HERC1: variants seen among roughly 807,000 people sequenced by gnomAD.
HERC1 encodes the protein HECT and RLD domain containing E3 ubiquitin protein ligase family member 1, also known as probable E3 ubiquitin-protein ligase HERC1.
HERC1 carries 160 observed loss-of-function variants against 554.3 expected under a neutral mutation model. The ratio of observed to expected loss-of-function variants is 0.29; its 90% CI spans 0.25 to 0.33. HERC1 has a LOEUF of 0.33. Among genes scored for constraint, HERC1 ranks in the 10% least tolerant of loss-of-function variants. HERC1 has a pLI of 1.00. For synonymous variants in HERC1, 2,175 were observed against 2,131.7 expected, an observed-to-expected ratio of 1.02 and a Z score of -0.56; for missense variants, 4,919 against 5,918.5, an observed-to-expected ratio of 0.83 and a Z score of 5.54.
intron 36 of HERC1, among the ~76,000 whole-genome samples, chr15:63,679,088 AAT>A (rs2071346713): frequency 6.6e-6 from 1 of 152,238 alleles, no homozygotes; most frequent in South Asian, 2.1e-4. Context: ...TTCTAGATAG[AAT>A]AAATTAATTG....
At position 63,734,262 on chromosome 15, in the gene HERC1, A is replaced by G. The variant is rs916031162; in HGVS notation, c.2646+462T>C. 6.6e-6 allele frequency among the ~76,000 whole-genome samples: 1 copy of G among 152,220 alleles called. No homozygotes were observed. The highest frequency in any genetic ancestry group is 2.4e-5 in the African/African-American group (1 of 41,456). On this transcript the variant is annotated intron_variant, in intron 13 of 77. Coordinates refer to ENST00000443617, the MANE Select transcript of HERC1 (RefSeq NM_003922.4). The surrounding 1 kb of genome is among the most constrained non-coding windows in gnomAD (Gnocchi z 4.6). ...CCTCAAATCTGTATCTCTGAATCTG[A>G]TAACTTCTACTTGGTTGAGCAAAAT...
At chr15:63,815,500 A>C (rs1338793870) in intron 1 of HERC1, among the ~76,000 whole-genome samples, 1 of 152,210 alleles carries the variant, frequency 6.6e-6, no homozygotes, top group African/African-American at 2.4e-5. Context: ...GGATGTAGTA[A>C]ATGTTACATA....
intron 1 of HERC1, among the ~76,000 whole-genome samples, chr15:63,831,129 TAG>T (rs1396604510): frequency 1.3e-5 from 2 of 152,180 alleles, no homozygotes; most frequent in Non-Finnish European, 2.9e-5. Flanking sequence ...GCTTTTGAGA[TAG>T]AGTCTCACTG....
intron 19 of HERC1, among the ~76,000 whole-genome samples, chr15:63,720,802 T>A (rs2073786557): frequency 6.6e-6 from 1 of 152,218 alleles, no homozygotes; most frequent in East Asian, 1.9e-4. Flanking sequence ...ATATTCAATT[T>A]TAAAAGCAAA....
chr15:63,727,387 A>G lies in HERC1; in HGVS notation c.3346+260T>C, dbSNP rs1487786335. On this transcript the variant is annotated intron_variant, in intron 17 of 77. Coordinates refer to ENST00000443617, the MANE Select transcript of HERC1 (RefSeq NM_003922.4). The surrounding 1 kb of genome is among the most constrained non-coding windows in gnomAD (Gnocchi z 4.3). Reference sequence around the variant, plus strand: ...TGGACTAAGTGACACTTGATCACTGAACTGTATAATGTTAAAATAAGATAG... The same window carrying G: ...TGGACTAAGTGACACTTGATCACTGGACTGTATAATGTTAAAATAAGATAG... 6.6e-6 allele frequency among the ~76,000 whole-genome samples: 1 copy of G among 152,196 alleles called. No individual in the cohort carries two copies. The highest frequency in any genetic ancestry group is 1.5e-5 in the Non-Finnish European group (1 of 68,032).
At chr15:63,665,435 A>G (rs1045104802) in intron 42 of HERC1, among the ~76,000 whole-genome samples, 2 of 152,206 alleles carry the variant, frequency 1.3e-5, no homozygotes, top group Non-Finnish European at 2.9e-5. Context: ...TGGGAGGCTG[A>G]GGCAGGGAAC....
At chr15:63,610,438 T>G (rs892622678) in intron 77 of HERC1, among the ~76,000 whole-genome samples, 3 of 152,038 alleles carry the variant, frequency 2.0e-5, no homozygotes, top group Non-Finnish European at 4.4e-5. Flanking sequence ...AGACCGGAGA[T>G]TAGTGGTGGA....
chr15:63,707,652 G>A lies in HERC1; in HGVS notation c.4585-821C>T, dbSNP rs117407232. Among the ~76,000 whole-genome samples the A allele has an allele frequency of 2.1e-3, 326 of 152,270 alleles. 6 individuals are homozygous for A. In the East Asian group the frequency reaches 0.022, roughly 10 times the overall value. On this transcript the variant is annotated intron_variant, in intron 24 of 77. Coordinates refer to ENST00000443617, the MANE Select transcript of HERC1 (RefSeq NM_003922.4). ...GCCCGGAAGTGACAAAACAAGGCCG[G>A]GAGTGGTGGCTCACACCTGTAATCC...
intron 12 of HERC1, among the ~76,000 whole-genome samples, chr15:63,744,688 C>T (rs1411507232): frequency 6.6e-6 from 1 of 152,170 alleles, no homozygotes; most frequent in Non-Finnish European, 1.5e-5. Flanking sequence ...GCTTAAGGCC[C>T]AGGGATTCTT....
At chr15:63,753,130 C>T (rs1031229908) in intron 7 of HERC1, 45 bp from the exon 8 acceptor site, 2 of 1,465,368 alleles carry the variant, frequency 1.4e-6, no homozygotes, top group Non-Finnish European at 1.8e-6. Flanking sequence ...TTTAAAGAAC[C>T]TCTACTCTTT....
intron 69 of HERC1, among the ~76,000 whole-genome samples, chr15:63,629,377 T>C (rs2068447346): frequency 6.6e-6 from 1 of 152,208 alleles, no homozygotes; most frequent in Non-Finnish European, 1.5e-5. Flanking sequence ...AACACATCCT[T>C]GGATTCCACT....
chr15:63,636,267 T>C, intron 64 of HERC1, 125 bp from the exon 65 acceptor site: 1 of 777,188 alleles, frequency 1.3e-6, no homozygotes, highest in Non-Finnish European at 2.0e-6. Flanking sequence ...AAGAATAATT[T>C]CATTAGTTTT....
At chr15:63,636,165 C>A (rs905541913) in intron 64 of HERC1, 23 bp from the exon 65 acceptor site, 10 of 1,604,012 alleles carry the variant, frequency 6.2e-6, no homozygotes, top group Non-Finnish European at 8.5e-6. Context: ...AGAAACCCAA[C>A]AGGAGTCACT....
chr15:63,708,782 G>A (rs1195215721), intron 24 of HERC1, among the ~76,000 whole-genome samples: 1 of 152,166 alleles, frequency 6.6e-6, no homozygotes, highest in East Asian at 1.9e-4. Flanking sequence ...ACCTCATATA[G>A]TATAGAAGGG....
chr15:63,708,603 A>G (rs1397851274), intron 24 of HERC1, among the ~76,000 whole-genome samples: 1 of 152,238 alleles, frequency 6.6e-6, no homozygotes, highest in Non-Finnish European at 1.5e-5. Context: ...CTGTTTTAGC[A>G]AGCAGAGAAT....
At chr15:63,704,276 C>T (rs78043072) in intron 25 of HERC1, among the ~76,000 whole-genome samples, 2,567 of 152,258 alleles carry the variant, frequency 0.017, 68 homozygotes, top group African/African-American at 0.059. Context: ...ATTCAAATTA[C>T]AGTTTTTTCT....
rs1596081169 is a variant in HERC1 at position 63,727,453 on chromosome 15, T to C, written c.3346+194A>G. ...TTTCCAACTCCAATGCTTTTCCTTT[T>C]ATGCTCCAGCCCAGGATTCTTTCCA... On this transcript the variant is annotated intron_variant, in intron 17 of 77. Coordinates refer to ENST00000443617, the MANE Select transcript of HERC1 (RefSeq NM_003922.4). The surrounding 1 kb of genome is among the most constrained non-coding windows in gnomAD (Gnocchi z 4.3). Among the ~76,000 whole-genome samples, 1 of 152,216 alleles carries C rather than the reference T, an allele frequency of 6.6e-6. No individual in the cohort carries two copies. Among genetic ancestry groups the C allele is most frequent in the East Asian group, 1.9e-4 (1 of 5,202 alleles).
At position 63,775,490 on chromosome 15, in the gene HERC1, T is replaced by C; in HGVS notation, c.134A>G (p.Lys45Arg). The change falls in exon 2 of 78, where the codon AAG (lysine) becomes AGG (arginine). Residue 45 changes from lysine (K) to arginine (R), a missense_variant. Physicochemically the swap from Lys to Arg is conservative, Grantham distance 26. This residue lies in a region of HERC1 where 110 missense variants were observed against 99.3 expected (regional missense o/e 1.11). Coordinates refer to ENST00000443617, the MANE Select transcript of HERC1 (RefSeq NM_003922.4). This position sits in a 1 kb window ranked among gnomAD's most constrained non-coding sequence, Gnocchi z 4.0. The stretch of plus-strand genomic sequence containing the variant: ...TTGTTGGGGCAAAGGTACTACTTCC[T>C]TATTGCTAACCAGTTTAGAATACAG... Reference protein sequence around the residue: ...AVLYSKLVSNKEVVPLPQQVL... With the variant: ...AVLYSKLVSNREVVPLPQQVL... 1 of 1,614,042 alleles carries C rather than the reference T, an allele frequency of 6.2e-7. No individual in the cohort carries two copies.
At chr15:63,625,830 A>G (rs2068279445) in intron 71 of HERC1, 155 bp downstream of exon 71, 1 of 797,456 alleles carries the variant, frequency 1.3e-6, no homozygotes, top group Non-Finnish European at 2.1e-6. Context: ...ACTGTCCCTA[A>G]CACAGCAATA....
Sources: gnomAD v4.1 joint callset for allele counts (sites outside exome capture counted in the v4.1 genomes callset) on GRCh38, gnomAD v4.1.1 for gene constraint, gnomAD v4.1.1 regional missense constraint, Gnocchi (gnomAD v3.1) non-coding constraint, MANE v1.5 for transcripts, NCBI Gene and HGNC (gene_info 2026-07-23, HGNC 2026-07-21) for gene names.